The following WDFY4 variants were observed in gnomAD, a reference collection of about 807,000 sequenced individuals.
WDFY4 encodes WD repeat- and FYVE domain-containing protein 4.
WDFY4 carries 169 observed loss-of-function variants against 351.9 expected under a neutral mutation model. The observed-to-expected ratio is 0.48, with a 90% CI of 0.42 to 0.55. The LOEUF (loss-of-function observed/expected upper bound fraction) is 0.55, where lower values mean the gene tolerates loss of function less well. WDFY4 is among the 20% of genes least tolerant of loss of function. The pLI is 0.00. For missense variants in WDFY4, 3,803 were observed against 3,935.6 expected (o/e 0.97, Z 0.90); for synonymous variants, 1,622 against 1,574.6 (o/e 1.03, Z -0.71).
At chr10:48,968,788 G>A (rs1359261661) in intron 55 of WDFY4, 4 of 447,836 alleles carry the variant, frequency 8.9e-6, no homozygotes, top group South Asian at 5.2e-5. Context: ...GGGGCTGGGG[G>A]TGGCTCCCAG....
rs147318422 is a variant in WDFY4, at chr10:48,723,639, C to T, written c.591+72C>T. 6.5e-5 allele frequency: 99 copies of T among 1,528,402 alleles called. No homozygotes were observed. In the African/African-American group the frequency reaches 9.7e-4, roughly 15 times the overall value. 94.7% of individuals were successfully genotyped at this position (1,528,402 alleles called of 1,614,324 possible). ...CGGGGACAGACTCTCCAATGCTTCC[C>T]GTAGATGCTTTTGTCTTTCTCAGCC... On this transcript the variant is annotated intron_variant, in intron 5 of 61. Transcript: ENST00000325239.
At chr10:48,927,236 C>G (rs966347610) in intron 47 of WDFY4, among the ~76,000 whole-genome samples, 1 of 152,188 alleles carries the variant, frequency 6.6e-6, no homozygotes, top group East Asian at 1.9e-4. Flanking sequence ...ACCCTCCCCC[C>G]TGCTTCCACA....
At position 48,903,232 on chromosome 10, in the gene WDFY4, G is replaced by A. The variant is rs550618249; in HGVS notation, c.7586+1369G>A. ...GTGCAGGGAGTTAGTTGGGGTGGAG[G>A]TGAGGGAGGTCACAGGGGATAGTTG... On this transcript the variant is annotated intron_variant, in intron 47 of 61. Transcript: ENST00000325239. Among the ~76,000 whole-genome samples the A allele has an allele frequency of 4.6e-5, 7 of 152,318 alleles. No homozygotes were observed. The South Asian group carries it at 1.5e-3, about 32-fold the overall frequency.
At position 48,808,008 on chromosome 10, in the gene WDFY4, G is replaced by C. The variant is rs1445822381; in HGVS notation, c.4838+50G>C. 3 of 1,421,160 alleles carry C rather than the reference G, an allele frequency of 2.1e-6. No homozygotes were observed. The East Asian group carries it at 8.0e-5, about 38-fold the overall frequency. The allele number at this position is 1,421,160 out of a possible 1,614,324, so 88.0% of individuals were successfully genotyped here. A position where few individuals can be genotyped will look rare whatever the true frequency, so the allele number is the denominator to read the frequency against. ...TTGGCAGGAGGTTACCTCATACAGG[G>C]TGTGGCATTAAACCTTTTCTTAATG... On this transcript the variant is annotated intron_variant, in intron 28 of 61. Transcript: ENST00000325239.
intron 14 of WDFY4, 121 bp downstream of exon 14, chr10:48,774,793 G>C: frequency 7.9e-7 from 1 of 1,260,316 alleles, no homozygotes; most frequent in South Asian, 1.3e-5. Flanking sequence ...GCTCTGTCCT[G>C]GCATTCAAGG....
rs1254108750 is a variant in WDFY4, at chr10:48,875,055, G to A, written c.6949-34G>A. On this transcript the variant is annotated intron_variant, in intron 41 of 61. Coordinates refer to ENST00000325239, the MANE Select transcript of WDFY4 (RefSeq NM_001394531.1). Reference sequence around the variant, plus strand: ...AGTGAAGCATAGATGTAGCATCCAGGATTTAATTTTTCTTTTCAATGTCCT... The same window carrying A: ...AGTGAAGCATAGATGTAGCATCCAGAATTTAATTTTTCTTTTCAATGTCCT... The A allele has an allele frequency of 3.7e-6, 5 of 1,363,780 alleles. No homozygotes were observed. The Admixed American group carries it at 1.3e-4, about 36-fold the overall frequency. 84.5% of individuals were successfully genotyped at this position (1,363,780 alleles called of 1,614,324 possible).
chr10:48,765,449 T>C (rs2065638328), intron 13 of WDFY4, among the ~76,000 whole-genome samples: 1 of 152,222 alleles, frequency 6.6e-6, no homozygotes, highest in Non-Finnish European at 1.5e-5. Context: ...CATGGAGCAA[T>C]GCATGGAGCT....
chr10:48,738,104 A>T (rs917535826), intron 11 of WDFY4, among the ~76,000 whole-genome samples: 1 of 152,150 alleles, frequency 6.6e-6, no homozygotes, highest in African/African-American at 2.4e-5. Context: ...CAGGCTTGTG[A>T]TTTTCTATTG....
At chr10:48,935,742 C>T (rs187134943) in intron 47 of WDFY4, among the ~76,000 whole-genome samples, 151 of 152,314 alleles carry the variant, frequency 9.9e-4, no homozygotes, top group Middle Eastern at 3.4e-3. Context: ...TAATCATATT[C>T]TCTTACTTGA....
At chr10:48,693,018 T>C (rs1195649725) in intron 1 of WDFY4, among the ~76,000 whole-genome samples, 1 of 152,096 alleles carries the variant, frequency 6.6e-6, no homozygotes, top group African/African-American at 2.4e-5. Context: ...ACCGTGGTGC[T>C]GAAGGGGGAG....
Position 48,974,783 on chromosome 10 carries a change from C to T in WDFY4, c.8929-79C>T, listed in dbSNP as rs1197365708. ...CTCCATTTCCTCATCCAGCACCCAG[C>T]TTTATAGGGAGGGTGAAGAATTCCC... On this transcript the variant is annotated intron_variant, in intron 57 of 61. Transcript: ENST00000325239. 17 of 1,400,198 alleles carry T rather than the reference C, an allele frequency of 1.2e-5. No homozygotes were observed. In the East Asian group the frequency reaches 3.5e-4, roughly 29 times the overall value. 86.7% of individuals were successfully genotyped at this position (1,400,198 alleles called of 1,614,324 possible). A position where few individuals can be genotyped will look rare whatever the true frequency, so the allele number is the denominator to read the frequency against.
Position 48,873,646 on chromosome 10 carries a change from A to G in WDFY4, c.6897A>G (p.Lys2299=), listed in dbSNP as rs1454598702. ...DWREGPARMR[K]RIKRLSPLEA... ...GAGAAGGACCAGCTCGAATGAGGAA[A>G]CGCATCAAACGCTTGTCTCCTTTGG... The change falls in exon 41 of 62, where the codon AAA becomes AAG. Residue 2299 remains lysine, a synonymous_variant. Coordinates refer to ENST00000325239, the MANE Select transcript of WDFY4 (RefSeq NM_001394531.1). 2 of 1,551,742 alleles carry G rather than the reference A, an allele frequency of 1.3e-6. No homozygotes were observed. The highest frequency in any genetic ancestry group is 1.7e-6 in the Non-Finnish European group (2 of 1,147,030).
intron 49 of WDFY4, among the ~76,000 whole-genome samples, chr10:48,945,260 C>T (rs1193220049): frequency 6.6e-6 from 1 of 152,084 alleles, no homozygotes; most frequent in East Asian, 1.9e-4. Context: ...CCTGTAGTCC[C>T]AGCTACTTGG....
At chr10:48,906,515 G>T (rs1352441104) in intron 47 of WDFY4, among the ~76,000 whole-genome samples, 1 of 152,206 alleles carries the variant, frequency 6.6e-6, no homozygotes, top group African/African-American at 2.4e-5. Flanking sequence ...GGGGTGCAAG[G>T]TTCTGCAAGC....
intron 34 of WDFY4, 145 bp downstream of exon 34, chr10:48,821,321 A>G: frequency 1.6e-6 from 1 of 630,862 alleles, no homozygotes; most frequent in Non-Finnish European, 2.8e-6. Flanking sequence ...CATCAACAAG[A>G]ACTCCCTGGC....
intron 43 of WDFY4, among the ~76,000 whole-genome samples, chr10:48,889,089 G>A (rs2070583774): frequency 6.6e-6 from 1 of 152,222 alleles, no homozygotes; most frequent in African/African-American, 2.4e-5. Flanking sequence ...TTGGAAATGA[G>A]TCCACTTTGG....
chr10:48,895,708 T>A (rs922587274), intron 44 of WDFY4, among the ~76,000 whole-genome samples: 2 of 152,256 alleles, frequency 1.3e-5, no homozygotes, highest in Admixed American at 1.3e-4. Context: ...CAAATTGTTC[T>A]CTTTGGGAAT....
intron 43 of WDFY4, among the ~76,000 whole-genome samples, chr10:48,877,693 A>C (rs528690485): frequency 3.3e-5 from 5 of 152,180 alleles, no homozygotes; most frequent in Non-Finnish European, 7.3e-5. Context: ...GGGTAAGCAC[A>C]CTTGTGGCAC....
chr10:48,695,021 T>C (rs1268633776), intron 1 of WDFY4, among the ~76,000 whole-genome samples: 1 of 152,134 alleles, frequency 6.6e-6, no homozygotes, highest in African/African-American at 2.4e-5. Context: ...TCCTGCTCCT[T>C]GCATGTTTAA....
Sources: gnomAD v4.1 joint callset for allele counts (sites outside exome capture counted in the v4.1 genomes callset) on GRCh38, gnomAD v4.1.1 for gene constraint, MANE v1.5 for transcripts, NCBI Gene and HGNC (gene_info 2026-07-23, HGNC 2026-07-21) for gene names.